LIN9: variants seen among roughly 807,000 people sequenced by gnomAD.
LIN9 encodes the protein lin-9 DREAM MuvB core complex component, also known as protein lin-9 homolog.
Under a neutral mutation model 78.0 loss-of-function variants are expected in LIN9, and 18 were observed. The observed-to-expected ratio is 0.23, with a 90% CI of 0.16 to 0.34. The LOEUF is 0.34. Ranked by LOEUF, LIN9 falls within the 10% of genes least tolerant of loss-of-function variation. LIN9 has a pLI of 1.00. For missense variants in LIN9, 451 were observed against 644.1 expected, an observed-to-expected ratio of 0.70 and a Z score of 3.25; for synonymous variants, 192 against 215.2, an observed-to-expected ratio of 0.89 and a Z score of 0.94.
At chr1:226,251,853 T>C (rs1024000753) in intron 10 of LIN9, among the ~76,000 whole-genome samples, 54 of 152,278 alleles carry the variant, frequency 3.5e-4, no homozygotes, top group African/African-American at 1.2e-3. Context: ...TTAAAATCCA[T>C]GAGTTACAAT....
chr1:226,266,347 T>G lies in LIN9; in HGVS notation c.817-15A>C. 6.4e-7 allele frequency: 1 copy of G among 1,573,014 alleles called. No homozygotes were observed. Among genetic ancestry groups the G allele is most frequent in the Non-Finnish European group, 8.6e-7 (1 of 1,159,136 alleles). ...GGTTCATTACTCTGAGAAAACAGAA[T>G]AATTCACAAAACTTAAAGAAATTTA... On this transcript the variant is annotated splice_polypyrimidine_tract_variant and intron_variant, in intron 8 of 14. Coordinates refer to ENST00000681046, the MANE Select transcript of LIN9 (RefSeq NM_001366245.2).
intron 4 of LIN9, among the ~76,000 whole-genome samples, chr1:226,293,799 C>A (rs1009611649): frequency 2.0e-5 from 3 of 152,144 alleles, no homozygotes; most frequent in Non-Finnish European, 2.9e-5. Context: ...ATCAAGTGAT[C>A]CTGCCTTGGC....
At chr1:226,258,573 G>C (rs909764851) in intron 10 of LIN9, among the ~76,000 whole-genome samples, 5 of 151,222 alleles carry the variant, frequency 3.3e-5, no homozygotes, top group African/African-American at 1.2e-4. Flanking sequence ...TGACTCCAGA[G>C]CAAGAAAAGG....
At chr1:226,286,481 T>C in intron 5 of LIN9, 23 bp from the exon 6 acceptor site, 1 of 1,520,948 alleles carries the variant, frequency 6.6e-7, no homozygotes, top group Non-Finnish European at 8.9e-7. Flanking sequence ...TATAGTATTT[T>C]AATGGTTACA....
intron 12 of LIN9, among the ~76,000 whole-genome samples, chr1:226,235,671 G>A (rs926958187): frequency 2.0e-5 from 3 of 152,166 alleles, no homozygotes; most frequent in African/African-American, 7.2e-5. Flanking sequence ...CTCAACCTAT[G>A]CTATGTTCAA....
chr1:226,244,347 G>A (rs1055653076), intron 11 of LIN9, among the ~76,000 whole-genome samples: 3 of 151,944 alleles, frequency 2.0e-5, no homozygotes, highest in Non-Finnish European at 2.9e-5. Context: ...CAGGAGAATC[G>A]CTTGAACCTG....
In LIN9 at chr1:226,265,468, C is replaced by T. The variant is rs1659844851; in HGVS notation, c.1038+65G>A. The T allele has an allele frequency of 4.0e-6, 4 of 1,011,156 alleles. No homozygotes were observed. Among genetic ancestry groups the T allele is most frequent in the Non-Finnish European group, 6.0e-6 (4 of 668,944 alleles). The allele number at this position is 1,011,156 out of a possible 1,614,324, so 62.6% of individuals were successfully genotyped here. On this transcript the variant is annotated intron_variant, in intron 10 of 14. Coordinates refer to ENST00000681046, the MANE Select transcript of LIN9 (RefSeq NM_001366245.2). This position sits in a 1 kb window ranked among gnomAD's most constrained non-coding sequence, Gnocchi z 4.1. ...TACACGGCCCTAGAAAAATTTTCAA[C>T]TTTAATAACATAAAAGGCATTGAGT...
Position 226,232,341 on chromosome 1 carries a change from C to T in LIN9, c.*160G>A. The stretch of plus-strand genomic sequence containing the variant: ...ATAAATATAATGCTGGTCAGCAATG[C>T]TGGTTTAAGAAGCAGTACAGTCTAT... On this transcript the variant is annotated 3_prime_UTR_variant, in exon 15 of 15. Coordinates refer to ENST00000681046, the MANE Select transcript of LIN9 (RefSeq NM_001366245.2). The T allele has an allele frequency of 2.3e-6, 1 of 430,954 alleles. No homozygotes were observed. Among genetic ancestry groups the T allele is most frequent in the Non-Finnish European group, 4.1e-6 (1 of 243,280 alleles). The allele number at this position is 430,954 out of a possible 1,614,324, so 26.7% of individuals were successfully genotyped here.
chr1:226,298,346 T>TA (rs1248765547), intron 2 of LIN9, among the ~76,000 whole-genome samples: 1 of 152,172 alleles, frequency 6.6e-6, no homozygotes, highest in East Asian at 1.9e-4. Flanking sequence ...GTAGTGGGAT[T>TA]ACAGGTGTGT....
chr1:226,306,600 A>G (rs1003962560), intron 1 of LIN9, among the ~76,000 whole-genome samples: 10 of 152,236 alleles, frequency 6.6e-5, no homozygotes, highest in African/African-American at 2.2e-4. Context: ...GAGCACTTAC[A>G]TCAACTGAAA....
chr1:226,301,406 C>T (rs1380294668), intron 1 of LIN9, among the ~76,000 whole-genome samples: 1 of 152,106 alleles, frequency 6.6e-6, no homozygotes, highest in Admixed American at 6.6e-5. Context: ...TGGAGAGAGA[C>T]ATATGAGAGT....
intron 10 of LIN9, among the ~76,000 whole-genome samples, chr1:226,252,560 A>G (rs1658903733): frequency 6.6e-6 from 1 of 152,170 alleles, no homozygotes; most frequent in South Asian, 2.1e-4. Flanking sequence ...TTGCATGGAG[A>G]AAAAAGGCAC....
At chr1:226,275,692 A>AG (rs1553280324) in intron 7 of LIN9, among the ~76,000 whole-genome samples, 1 of 122,084 alleles carries the variant, frequency 8.2e-6, no homozygotes, top group Non-Finnish European at 1.8e-5. Flanking sequence ...ACTCCGTCTC[A>AG]GAAAAAAAAA....
chr1:226,294,013 TG>T (rs1661961800), intron 4 of LIN9, among the ~76,000 whole-genome samples: 1 of 152,142 alleles, frequency 6.6e-6, no homozygotes, highest in Admixed American at 6.5e-5. Flanking sequence ...ATTTATTTAA[TG>T]CTAAGTCCTT....
chr1:226,294,123 T>C (rs999866109), intron 4 of LIN9, among the ~76,000 whole-genome samples: 1 of 150,614 alleles, frequency 6.6e-6, no homozygotes, highest in Non-Finnish European at 1.5e-5. Context: ...GCCTGGCCAA[T>C]GTGGCAAAAC....
Position 226,233,088 on chromosome 1 carries a change from C to G in LIN9, c.1523+8G>C, listed in dbSNP as rs764776151. 2.6e-6 allele frequency: 4 copies of G among 1,510,708 alleles called. No homozygotes were observed. In the South Asian group the frequency reaches 4.8e-5, roughly 18 times the overall value. The allele number at this position is 1,510,708 out of a possible 1,614,324, so 93.6% of individuals were successfully genotyped here. On this transcript the variant is annotated splice_region_variant and intron_variant, in intron 14 of 14. Coordinates refer to ENST00000681046, the MANE Select transcript of LIN9 (RefSeq NM_001366245.2). ...ATTAAAATGATTAGAGTATACCTAA[C>G]GAATTACCTGATATTAGAAGCGTCT...
intron 6 of LIN9, among the ~76,000 whole-genome samples, chr1:226,280,690 G>A (rs371878498): frequency 6.6e-6 from 1 of 152,048 alleles, no homozygotes; most frequent in African/African-American, 2.4e-5. Flanking sequence ...CAGGAGAGTC[G>A]CTTGAACCTG....
At chr1:226,232,762 T>C (rs1265658019) in intron 14 of LIN9, 156 bp from the exon 15 acceptor site, 6 of 529,006 alleles carry the variant, frequency 1.1e-5, no homozygotes, top group Non-Finnish European at 2.0e-5. Flanking sequence ...TCTACTTCAG[T>C]AGTAGTTGAA....
intron 4 of LIN9, among the ~76,000 whole-genome samples, chr1:226,294,510 T>C (rs1662003115): frequency 1.3e-5 from 2 of 151,212 alleles, no homozygotes; most frequent in South Asian, 2.1e-4. Flanking sequence ...AGCTGGAGAT[T>C]GCAGTGAGCT....
Sources: gnomAD v4.1 joint callset for allele counts (sites outside exome capture counted in the v4.1 genomes callset) on GRCh38, gnomAD v4.1.1 for gene constraint, Gnocchi (gnomAD v3.1) non-coding constraint, MANE v1.5 for transcripts, NCBI Gene and HGNC (gene_info 2026-07-23, HGNC 2026-07-21) for gene names.